Variants in HCRTR2 observed in about 807,000 individuals in gnomAD.
The protein encoded by HCRTR2 is hypocretin receptor 2, also known as orexin receptor type 2.
A neutral mutation model predicts 49.0 loss-of-function variants in HCRTR2; 22 were observed. The observed-to-expected ratio is 0.45, with a 90% CI of 0.32 to 0.64. The LOEUF is 0.64. HCRTR2 is among the 30% of genes least tolerant of loss of function. The probability of loss-of-function intolerance (pLI) is 0.04; values close to 1 mark genes in which losing one functional copy is unlikely to be tolerated. For synonymous variants in HCRTR2, 236 were observed against 205.3 expected (o/e 1.15, Z -1.28); for missense variants, 491 against 559.4 (o/e 0.88, Z 1.23).
chr6:55,180,660 A>T (rs78071460), intron 1 of HCRTR2, among the ~76,000 whole-genome samples: 2,486 of 152,328 alleles, frequency 0.016, 69 homozygotes, highest in African/African-American at 0.056. Flanking sequence ...ACACAATTTG[A>T]GCCTGAGAGC....
intron 1 of HCRTR2, among the ~76,000 whole-genome samples, chr6:55,182,738 C>T (rs148140386): frequency 6.6e-6 from 1 of 152,180 alleles, no homozygotes; most frequent in Admixed American, 6.5e-5. Context: ...GTTGCACAGC[C>T]TCTAAAGTTG....
chr6:55,119,819 G>C (rs1291051266), intron 1 of HCRTR2, among the ~76,000 whole-genome samples: 1 of 151,828 alleles, frequency 6.6e-6, no homozygotes, highest in African/African-American at 2.4e-5. Context: ...CATTGCTTTT[G>C]GTGTTGTAGA....
chr6:55,219,852 T>TA (rs1273185082), intron 1 of HCRTR2, among the ~76,000 whole-genome samples: 1 of 151,590 alleles, frequency 6.6e-6, no homozygotes, highest in Non-Finnish European at 1.5e-5. Flanking sequence ...ATATTGTAAA[T>TA]AAAAAAGGAG....
chr6:55,228,498 C>T (rs1268427210), intron 1 of HCRTR2, among the ~76,000 whole-genome samples: 2 of 152,064 alleles, frequency 1.3e-5, no homozygotes, highest in Non-Finnish European at 2.9e-5. Flanking sequence ...AAGTCAATGC[C>T]ATATTATTCA....
intron 5 of HCRTR2, among the ~76,000 whole-genome samples, chr6:55,279,338 A>G (rs985327174): frequency 6.6e-6 from 1 of 152,092 alleles, no homozygotes; most frequent in African/African-American, 2.4e-5. Flanking sequence ...ACAACAGTTC[A>G]GGTTTGTCCA....
chr6:55,186,597 A>G (rs1027359823), intron 1 of HCRTR2, among the ~76,000 whole-genome samples: 9 of 152,226 alleles, frequency 5.9e-5, no homozygotes, highest in African/African-American at 2.2e-4. Context: ...ATTTCTTTAA[A>G]TGATACGCTA....
At chr6:55,224,138 A>T (rs983092033) in intron 1 of HCRTR2, among the ~76,000 whole-genome samples, 1 of 152,210 alleles carries the variant, frequency 6.6e-6, no homozygotes, top group Non-Finnish European at 1.5e-5. Context: ...TATTTTCTTA[A>T]ATAAATTTTG....
chr6:55,270,329 G>A (rs1473041269), intron 4 of HCRTR2, among the ~76,000 whole-genome samples: 1 of 152,052 alleles, frequency 6.6e-6, no homozygotes, highest in African/African-American at 2.4e-5. Flanking sequence ...ATAATTATTA[G>A]CAACTTCAAT....
At chr6:55,144,372 T>C (rs1270939062) in intron 1 of HCRTR2, among the ~76,000 whole-genome samples, 1 of 152,072 alleles carries the variant, frequency 6.6e-6, no homozygotes, top group Non-Finnish European at 1.5e-5. Context: ...CGCCTTGGCC[T>C]CCCAAAGTAC....
chr6:55,133,010 A>T (rs1226082271), intron 1 of HCRTR2, among the ~76,000 whole-genome samples: 2 of 151,770 alleles, frequency 1.3e-5, no homozygotes, highest in Admixed American at 1.3e-4. Flanking sequence ...AAAAACTGGG[A>T]TAGCTGATAA....
At chr6:55,166,083 C>A (rs1764874258) in intron 1 of HCRTR2, among the ~76,000 whole-genome samples, 1 of 151,882 alleles carries the variant, frequency 6.6e-6, no homozygotes, top group South Asian at 2.1e-4. Flanking sequence ...TTGAGATGAT[C>A]ATATGGTTTT....
chr6:55,268,802 A>G (rs1349458415), intron 4 of HCRTR2, among the ~76,000 whole-genome samples: 2 of 152,120 alleles, frequency 1.3e-5, no homozygotes, highest in African/African-American at 4.8e-5. Context: ...AATGGATAGA[A>G]AACACAGGCA....
chr6:55,181,207 C>T (rs751485752), intron 1 of HCRTR2, among the ~76,000 whole-genome samples: 1 of 152,054 alleles, frequency 6.6e-6, no homozygotes, highest in Admixed American at 6.6e-5. Context: ...ATGAAATGAC[C>T]TTTAGATACT....
At chr6:55,194,217 A>T (rs1364949590) in intron 1 of HCRTR2, among the ~76,000 whole-genome samples, 1 of 152,160 alleles carries the variant, frequency 6.6e-6, no homozygotes, top group Non-Finnish European at 1.5e-5. Context: ...AGTTTTATTG[A>T]TAATACCTTT....
At chr6:55,159,587 T>C (rs1469822600) in intron 1 of HCRTR2, among the ~76,000 whole-genome samples, 1 of 152,118 alleles carries the variant, frequency 6.6e-6, no homozygotes, top group Non-Finnish European at 1.5e-5. Flanking sequence ...CTAAGAACCT[T>C]GAAAAATGGT....
chr6:55,279,955 A>T (rs1767156553), intron 5 of HCRTR2, among the ~76,000 whole-genome samples: 1 of 152,138 alleles, frequency 6.6e-6, no homozygotes, highest in Non-Finnish European at 1.5e-5. Context: ...TTTAGGAGTG[A>T]TTTTTAAATG....
At chr6:55,265,696 G>T (rs1288979188) in intron 4 of HCRTR2, among the ~76,000 whole-genome samples, 3 of 152,036 alleles carry the variant, frequency 2.0e-5, no homozygotes, top group Non-Finnish European at 4.4e-5. Flanking sequence ...GGGGATGAAT[G>T]ATCTGGAATG....
chr6:55,263,590 G>A (rs1382787913), intron 3 of HCRTR2, 117 bp from the exon 4 acceptor site: 2 of 688,876 alleles, frequency 2.9e-6, no homozygotes, highest in East Asian at 2.7e-5. Context: ...TACATAATAT[G>A]ACAATGAAAT....
At chr6:55,198,397 A>G (rs868514607) in intron 1 of HCRTR2, among the ~76,000 whole-genome samples, 48 of 152,088 alleles carry the variant, frequency 3.2e-4, no homozygotes, top group African/African-American at 1.1e-3. Context: ...TAACCCCAAC[A>G]CTATCTCAAA....
Sources: allele counts gnomAD v4.1 joint callset (sites outside exome capture counted in the v4.1 genomes callset), GRCh38; gene constraint gnomAD v4.1.1; transcripts MANE v1.5; gene names NCBI Gene and HGNC (gene_info 2026-07-23, HGNC 2026-07-21).